Variants in DMD observed in about 807,000 individuals in gnomAD.
DMD encodes the protein dystrophin.
DMD carries 63 observed loss-of-function variants against 330.1 expected under a neutral mutation model. That is an observed-to-expected ratio of 0.19 (90% confidence interval 0.16 to 0.24). DMD has a LOEUF of 0.24. DMD is among the 10% of genes least tolerant of loss of function. The pLI is 1.00. For missense variants in DMD, 3,344 were observed against 2,684.1 expected (o/e 1.25, Z -5.43); for synonymous variants, 1,223 against 959.8 (o/e 1.27, Z -5.07).
chrX:32,850,822 A>G (rs1569534115), intron 2 of DMD, among the ~76,000 whole-genome samples: 1 of 112,022 alleles, frequency 8.9e-6, no homozygotes, highest in Non-Finnish European at 1.9e-5. Context: ...CCCTAATTTA[A>G]TCAGTCAAAG....
At chrX:31,899,823 C>T (rs912886069) in intron 47 of DMD, among the ~76,000 whole-genome samples, 1 of 110,945 alleles carries the variant, frequency 9.0e-6, no homozygotes, top group Non-Finnish European at 1.9e-5. Flanking sequence ...CGCGATAGCT[C>T]AACCTAATTT....
At chrX:32,959,297 T>G (rs5928123) in intron 2 of DMD, among the ~76,000 whole-genome samples, 1 of 110,485 alleles carries the variant, frequency 9.1e-6, no homozygotes, top group Non-Finnish European at 1.9e-5. Flanking sequence ...TAATTTGAAT[T>G]TGGCTTCAGA....
chrX:32,286,118 A>C (rs2097440171), intron 43 of DMD, among the ~76,000 whole-genome samples: 1 of 111,099 alleles, frequency 9.0e-6, no homozygotes, highest in Non-Finnish European at 1.9e-5. Context: ...GCACTATATC[A>C]GTCCTGAGCA....
chrX:31,160,665 A>T (rs2038701259), intron 74 of DMD, among the ~76,000 whole-genome samples: 1 of 111,961 alleles, frequency 8.9e-6, no homozygotes, highest in Admixed American at 9.4e-5. Context: ...ATGCTAACGT[A>T]ATGATGACTT....
chrX:32,841,933 C>G (rs747962995), intron 4 of DMD, among the ~76,000 whole-genome samples: 3 of 112,117 alleles, frequency 2.7e-5, no homozygotes, highest in African/African-American at 9.7e-5. Context: ...CAACTCAAAA[C>G]AAAGGGCTCA....
chrX:32,657,370 C>T (rs2060647809), intron 9 of DMD, among the ~76,000 whole-genome samples: 1 of 111,830 alleles, frequency 8.9e-6, no homozygotes, highest in East Asian at 2.8e-4. Context: ...TTTTCATAAG[C>T]ATCAATAAAA....
intron 1 of DMD, among the ~76,000 whole-genome samples, chrX:33,161,700 T>A (rs185721680): frequency 9.0e-6 from 1 of 111,457 alleles, no homozygotes; most frequent in Non-Finnish European, 1.9e-5. Flanking sequence ...CTACCACGAA[T>A]AAGCCCAAGA....
chrX:31,840,087 C>T (rs773126833), intron 48 of DMD, among the ~76,000 whole-genome samples: 4 of 111,199 alleles, frequency 3.6e-5, no homozygotes, highest in Admixed American at 9.6e-5. Context: ...CCTCATATTC[C>T]CTTAAATTTA....
intron 16 of DMD, among the ~76,000 whole-genome samples, chrX:32,549,692 A>G (rs1323327743): frequency 9.0e-6 from 1 of 111,629 alleles, no homozygotes; most frequent in Admixed American, 9.5e-5. Context: ...TTCTGAGAAA[A>G]ATTGGAAGAG....
intron 62 of DMD, among the ~76,000 whole-genome samples, chrX:31,265,626 C>T (rs2050962536): frequency 9.0e-6 from 1 of 110,643 alleles, no homozygotes; most frequent in South Asian, 3.9e-4. Flanking sequence ...TGACTGAAAC[C>T]AATTCCACGG....
chrX:32,966,996 G>C (rs950250583), intron 2 of DMD, among the ~76,000 whole-genome samples: 1 of 111,905 alleles, frequency 8.9e-6, no homozygotes, highest in Admixed American at 9.5e-5. Context: ...TAATGCCACA[G>C]GCAGTTTAGG....
chrX:32,317,569 G>A (rs192868653), intron 41 of DMD, among the ~76,000 whole-genome samples: 1 of 111,289 alleles, frequency 9.0e-6, no homozygotes, highest in African/African-American at 3.2e-5. Context: ...GGTGCATTAT[G>A]TCTAGGTTTT....
chrX:32,369,376 C>G lies in DMD; in HGVS notation c.4846-4177G>C, dbSNP rs368983670. Among the ~76,000 whole-genome samples the G allele has an allele frequency of 4.5e-4, 50 of 111,529 alleles. 1 individual carries two copies. The highest frequency in any genetic ancestry group is 1.6e-3 in the African/African-American group (49 of 30,770). Reference sequence around the variant, plus strand: ...CATTCTGATTCATTCCCCATATCTACAAGTATAATTGCTTGTAGAAATTTA... The same window carrying G: ...CATTCTGATTCATTCCCCATATCTAGAAGTATAATTGCTTGTAGAAATTTA... On this transcript the variant is annotated intron_variant, in intron 34 of 78. Coordinates refer to ENST00000357033, the MANE Select transcript of DMD (RefSeq NM_004006.3).
At chrX:33,283,106 T>C (rs5971707) in intron 1 of DMD, among the ~76,000 whole-genome samples, 28,816 of 111,416 alleles carry the variant, frequency 0.26, 3,163 homozygotes, top group East Asian at 0.78. Context: ...GATAACTTGG[T>C]TTTTAAAATG....
At chrX:32,278,101 A>G (rs915249303) in intron 43 of DMD, among the ~76,000 whole-genome samples, 2 of 111,650 alleles carry the variant, frequency 1.8e-5, no homozygotes, top group African/African-American at 6.5e-5. Context: ...AGACCCAAAT[A>G]AGTAAAATCA....
At chrX:32,751,646 G>A (rs188731075) in intron 7 of DMD, among the ~76,000 whole-genome samples, 1 of 112,716 alleles carries the variant, frequency 8.9e-6, no homozygotes, top group Admixed American at 9.3e-5. Context: ...ATTTGTATAA[G>A]TAACAAGGAA....
At chrX:31,952,577 TGA>T (rs963632084) in intron 45 of DMD, among the ~76,000 whole-genome samples, 1 of 111,066 alleles carries the variant, frequency 9.0e-6, no homozygotes, top group Non-Finnish European at 1.9e-5. Context: ...ATCTTTTAGT[TGA>T]GATTCTCTAT....
chrX:31,639,958 A>T (rs2079636123), intron 54 of DMD, among the ~76,000 whole-genome samples: 1 of 110,852 alleles, frequency 9.0e-6, no homozygotes, highest in East Asian at 2.8e-4. Context: ...AATTAATAGA[A>T]TTTTTCAGGA....
chrX:31,342,365 A>G (rs946835185), intron 61 of DMD, among the ~76,000 whole-genome samples: 1 of 112,257 alleles, frequency 8.9e-6, no homozygotes, highest in Non-Finnish European at 1.9e-5. Flanking sequence ...GTTTAGTGTG[A>G]AATTAACTGG....
Sources: gnomAD v4.1 joint callset for allele counts (sites outside exome capture counted in the v4.1 genomes callset) on GRCh38, gnomAD v4.1.1 for gene constraint, MANE v1.5 for transcripts, NCBI Gene and HGNC (gene_info 2026-07-23, HGNC 2026-07-21) for gene names.